The following LARGE1 variants were observed in gnomAD, a reference collection of about 807,000 sequenced individuals.
LARGE1 encodes the protein LARGE xylosyl- and glucuronyltransferase 1, also known as xylosyl- and glucuronyltransferase LARGE1.
A neutral mutation model predicts 87.6 loss-of-function variants in LARGE1; 43 were observed. The ratio of observed to expected loss-of-function variants is 0.49; its 90% CI spans 0.38 to 0.63. The LOEUF (loss-of-function observed/expected upper bound fraction) is 0.63, where lower values mean the gene tolerates loss of function less well. LARGE1 is among the 30% of genes least tolerant of loss of function. The pLI, the probability that LARGE1 is intolerant of heterozygous loss-of-function variation, is 0.00. For synonymous variants in LARGE1, 434 were observed against 394.6 expected, an observed-to-expected ratio of 1.10 and a Z score of -1.18; for missense variants, 802 against 1,000.2, an observed-to-expected ratio of 0.80 and a Z score of 2.67.
At chr22:33,706,517 C>T (rs1285080029) in intron 2 of LARGE1, among the ~76,000 whole-genome samples, 1 of 152,150 alleles carries the variant, frequency 6.6e-6, no homozygotes, top group East Asian at 1.9e-4. Flanking sequence ...CAATGTGTTA[C>T]CTGGGGTAAG....
rs567980334 is a variant in LARGE1, at chr22:33,604,408, C to T, written c.615+27G>A. 132 of 1,613,728 alleles carry T rather than the reference C, an allele frequency of 8.2e-5. No individual in the cohort carries two copies. In the East Asian group the frequency reaches 9.6e-4, roughly 12 times the overall value. On this transcript the variant is annotated intron_variant, in intron 5 of 14. Transcript: ENST00000397394. ...TAACGCTTCCAGCTAGAGGAGATCA[C>T]GGAAGTGCCTCCCCTCCTGCCCATA...
intron 1 of LARGE1, among the ~76,000 whole-genome samples, chr22:33,910,869 T>A (rs989640515): frequency 2.6e-5 from 4 of 150,994 alleles, no homozygotes; most frequent in African/African-American, 9.8e-5. Context: ...TGGAGAGGAG[T>A]CCTAGGAAAT....
At chr22:33,166,696 CT>C (rs1922292396) in exon 12 of LARGE1, 1 of 468,516 alleles carries the variant, frequency 2.1e-6, no homozygotes, top group South Asian at 1.6e-5. Flanking sequence ...TTCCAACATG[CT>C]GTAAAATTAG....
At chr22:33,557,001 T>G (rs1219894679) in intron 6 of LARGE1, among the ~76,000 whole-genome samples, 3 of 152,022 alleles carry the variant, frequency 2.0e-5, no homozygotes, top group Non-Finnish European at 4.4e-5. Flanking sequence ...TGAGACTGTT[T>G]CACGAACAAA....
chr22:33,291,985 G>A (rs572089805), intron 12 of LARGE1, among the ~76,000 whole-genome samples: 6 of 152,134 alleles, frequency 3.9e-5, no homozygotes, highest in African/African-American at 1.4e-4. Context: ...TCTCAGCTAC[G>A]CAGGAGGCTG....
chr22:33,268,471 T>C (rs926799506), downstream of LARGE1, among the ~76,000 whole-genome samples: 2 of 148,896 alleles, frequency 1.3e-5, no homozygotes, highest in African/African-American at 2.5e-5. Flanking sequence ...CTCTGTTGCC[T>C]AGGCTGGAGT....
At chr22:33,659,032 A>G (rs1483016594) in intron 2 of LARGE1, among the ~76,000 whole-genome samples, 1 of 152,106 alleles carries the variant, frequency 6.6e-6, no homozygotes, top group East Asian at 1.9e-4. Flanking sequence ...CTGGTATTGT[A>G]GCTCCTCCAA....
intron 2 of LARGE1, among the ~76,000 whole-genome samples, chr22:33,748,114 T>TCTTC (rs1266403105): frequency 6.8e-6 from 1 of 148,104 alleles, no homozygotes; most frequent in Non-Finnish European, 1.5e-5. Context: ...TGGCCAGGGT[T>TCTTC]CTTCCTATCA....
chr22:33,132,018 C>T, the LARGE1 span, among the ~76,000 whole-genome samples: 6 of 151,642 alleles, frequency 4.0e-5, no homozygotes, highest in Non-Finnish European at 8.8e-5. Context: ...GTCACTATCA[C>T]GAGAACAGCC....
chr22:33,670,791 A>G (rs766855283), intron 2 of LARGE1, among the ~76,000 whole-genome samples: 16 of 152,358 alleles, frequency 1.1e-4, no homozygotes, highest in Non-Finnish European at 1.9e-4. Flanking sequence ...ACAGGTCCAT[A>G]CATCCCATAA....
intron 1 of LARGE1, among the ~76,000 whole-genome samples, chr22:33,816,759 G>A (rs1322956993): frequency 6.6e-6 from 1 of 152,038 alleles, no homozygotes; most frequent in Non-Finnish European, 1.5e-5. Context: ...GATACAGACA[G>A]ACAATGTTTT....
At chr22:33,554,243 C>T (rs1331426253) in intron 6 of LARGE1, among the ~76,000 whole-genome samples, 11 of 152,018 alleles carry the variant, frequency 7.2e-5, no homozygotes, top group Admixed American at 7.2e-4. Context: ...CTGCCCCCAT[C>T]CAATGAGCCC....
chr22:33,493,082 AG>A, intron 6 of LARGE1, among the ~76,000 whole-genome samples: 1 of 150,022 alleles, frequency 6.7e-6, no homozygotes, highest in East Asian at 2.0e-4. Flanking sequence ...ACATAACTCG[AG>A]GGTCCTCTTT....
At chr22:33,228,148 C>T (rs1173431466) in intron 11 of LARGE1, among the ~76,000 whole-genome samples, 1 of 152,134 alleles carries the variant, frequency 6.6e-6, no homozygotes, top group Non-Finnish European at 1.5e-5. Flanking sequence ...TGCTTCAGTT[C>T]TTTGTTGTAA....
intron 6 of LARGE1, among the ~76,000 whole-genome samples, chr22:33,475,996 C>T (rs145345264): frequency 6.6e-6 from 1 of 152,336 alleles, no homozygotes; most frequent in East Asian, 1.9e-4. Context: ...GGCAAACCTG[C>T]TTCCCATTAT....
intron 12 of LARGE1, among the ~76,000 whole-genome samples, chr22:33,283,701 C>T (rs370977547): frequency 2.0e-5 from 3 of 151,348 alleles, no homozygotes; most frequent in Admixed American, 6.6e-5. Flanking sequence ...TGCTGGAGCC[C>T]GGGAGGCAGA....
intron 9 of LARGE1, among the ~76,000 whole-genome samples, chr22:33,379,089 G>T (rs935271690): frequency 6.6e-6 from 1 of 151,752 alleles, no homozygotes; most frequent in Non-Finnish European, 1.5e-5. Flanking sequence ...ATCAAATCTT[G>T]TTATTCAAGA....
At chr22:33,370,370 G>A (rs897485416) in intron 9 of LARGE1, among the ~76,000 whole-genome samples, 2 of 152,016 alleles carry the variant, frequency 1.3e-5, no homozygotes, top group African/African-American at 4.8e-5. Context: ...TATACAATTC[G>A]TCACTCCCAG....
At chr22:33,755,458 C>A (rs1204708268) in intron 2 of LARGE1, among the ~76,000 whole-genome samples, 1 of 152,120 alleles carries the variant, frequency 6.6e-6, no homozygotes, top group East Asian at 1.9e-4. Flanking sequence ...TGAAAAGCAC[C>A]CTTTTTCCAC....
Sources: allele counts gnomAD v4.1 joint callset (sites outside exome capture counted in the v4.1 genomes callset), GRCh38; gene constraint gnomAD v4.1.1; transcripts MANE v1.5; gene names NCBI Gene and HGNC (gene_info 2026-07-23, HGNC 2026-07-21).